The following IMMP2L variants were observed in gnomAD, a reference collection of about 807,000 sequenced individuals.
IMMP2L encodes the protein mitochondrial inner membrane protease subunit 2.
In IMMP2L, 18 loss-of-function variants were observed where a neutral mutation model predicts 19.3. The observed-to-expected ratio is 0.93, with a 90% CI of 0.64 to 1.38. The LOEUF is 1.38. IMMP2L is among the 40% of genes most tolerant of loss of function. The probability of loss-of-function intolerance (pLI) is 0.00; values close to 1 mark genes in which losing one functional copy is unlikely to be tolerated. For synonymous variants in IMMP2L, 76 were observed against 73.0 expected, an observed-to-expected ratio of 1.04 and a Z score of -0.21; for missense variants, 233 against 218.2, an observed-to-expected ratio of 1.07 and a Z score of -0.43.
chr7:111,497,498 T>TTGTGGAAAAATATATATTTGGATATG (rs1389858714), intron 2 of IMMP2L, among the ~76,000 whole-genome samples: 2 of 152,056 alleles, frequency 1.3e-5, no homozygotes, highest in Admixed American at 6.6e-5. Context: ...AAAAATTACA[T>TTGTGGAAAAATATATATTTGGATATG]TGTGGAAAAA....
At chr7:111,452,881 C>T (rs1839338562) in intron 3 of IMMP2L, among the ~76,000 whole-genome samples, 1 of 152,096 alleles carries the variant, frequency 6.6e-6, no homozygotes, top group Non-Finnish European at 1.5e-5. Context: ...ATTTACTATA[C>T]CTATTATGTC....
At chr7:111,061,153 A>G (rs545004258) in intron 3 of IMMP2L, among the ~76,000 whole-genome samples, 1 of 152,340 alleles carries the variant, frequency 6.6e-6, no homozygotes, top group South Asian at 2.1e-4. Context: ...AATATCAGCT[A>G]GTTTTCAAAA....
At chr7:110,835,607 C>T (rs1288083834) in intron 5 of IMMP2L, among the ~76,000 whole-genome samples, 10 of 151,752 alleles carry the variant, frequency 6.6e-5, no homozygotes, top group Non-Finnish European at 2.9e-5. Context: ...AAATACTTGC[C>T]TTTGTTCCCA....
intron 1 of IMMP2L, among the ~76,000 whole-genome samples, chr7:111,523,310 G>C (rs144993319): frequency 3.9e-4 from 59 of 152,030 alleles, no homozygotes; most frequent in African/African-American, 1.4e-3. Flanking sequence ...AATATGTTAG[G>C]TAATGCATTT....
chr7:110,898,881 T>C (rs541656994), intron 4 of IMMP2L, among the ~76,000 whole-genome samples: 3 of 152,026 alleles, frequency 2.0e-5, no homozygotes, highest in East Asian at 3.9e-4. Context: ...GTTATCCTCT[T>C]CTAGGTGGGA....
intron 3 of IMMP2L, among the ~76,000 whole-genome samples, chr7:111,293,436 G>T (rs527469050): frequency 6.6e-6 from 1 of 151,328 alleles, no homozygotes; most frequent in African/African-American, 2.4e-5. Flanking sequence ...TTTTTTCAAC[G>T]ACTTTCCTGA....
chr7:111,013,749 A>G (rs1825212737), intron 3 of IMMP2L, among the ~76,000 whole-genome samples: 1 of 152,136 alleles, frequency 6.6e-6, no homozygotes, highest in African/African-American at 2.4e-5. Flanking sequence ...ATAGAGTAAA[A>G]TCTTAATTAT....
chr7:111,216,197 G>A (rs968447460), intron 3 of IMMP2L, among the ~76,000 whole-genome samples: 2 of 152,014 alleles, frequency 1.3e-5, no homozygotes, highest in Non-Finnish European at 2.9e-5. Context: ...TTCCTTTGAG[G>A]AGGTCCCAAG....
intron 4 of IMMP2L, among the ~76,000 whole-genome samples, chr7:110,938,660 A>G (rs1262381439): frequency 6.6e-6 from 1 of 152,180 alleles, no homozygotes; most frequent in Non-Finnish European, 1.5e-5. Flanking sequence ...CGATGGGTAC[A>G]GTAAAAGCCC....
chr7:110,991,510 A>T (rs1019023874), intron 3 of IMMP2L, among the ~76,000 whole-genome samples: 1 of 152,150 alleles, frequency 6.6e-6, no homozygotes, highest in Admixed American at 6.6e-5. Context: ...CCATGGTAAC[A>T]TTAAAAACCC....
At chr7:111,283,312 GC>G (rs1314061693) in intron 3 of IMMP2L, among the ~76,000 whole-genome samples, 10 of 152,162 alleles carry the variant, frequency 6.6e-5, no homozygotes, top group Non-Finnish European at 1.2e-4. Context: ...AGCTAAATGT[GC>G]ATATAGAGTT....
chr7:111,078,423 T>A (rs896897855), intron 3 of IMMP2L, among the ~76,000 whole-genome samples: 6 of 152,204 alleles, frequency 3.9e-5, no homozygotes, highest in Non-Finnish European at 5.9e-5. Context: ...GCTACTGCAT[T>A]ATCTGCATTA....
At chr7:111,255,376 G>A (rs1816590934) in intron 3 of IMMP2L, among the ~76,000 whole-genome samples, 1 of 151,994 alleles carries the variant, frequency 6.6e-6, no homozygotes, top group Admixed American at 6.6e-5. Flanking sequence ...AAAGAATGGT[G>A]GGAGAGGTAG....
At chr7:110,802,323 ATGTGTGTATGTG>A (rs1376670539) in intron 5 of IMMP2L, among the ~76,000 whole-genome samples, 14 of 74,594 alleles carry the variant, frequency 1.9e-4, no homozygotes, top group African/African-American at 5.9e-4. Context: ...GTATGTGTGT[ATGTGTGTATGTG>A]TGTGTGTGTG....
intron 3 of IMMP2L, among the ~76,000 whole-genome samples, chr7:111,419,180 G>A (rs6944182): frequency 6.6e-6 from 1 of 150,786 alleles, no homozygotes; most frequent in Admixed American, 6.6e-5. Context: ...AATATATGAA[G>A]AATATATTGG....
At chr7:111,104,647 T>G (rs2129580991) in intron 3 of IMMP2L, among the ~76,000 whole-genome samples, 1 of 151,810 alleles carries the variant, frequency 6.6e-6, no homozygotes, top group East Asian at 1.9e-4. Context: ...GAGCAAATGC[T>G]AAAGAAAAAT....
At chr7:110,678,171 T>C (rs1476967998) in intron 5 of IMMP2L, among the ~76,000 whole-genome samples, 3 of 152,116 alleles carry the variant, frequency 2.0e-5, no homozygotes, top group Non-Finnish European at 4.4e-5. Context: ...AACCCTCTGG[T>C]AGCAAAATCT....
chr7:110,958,683 AG>A (rs147311384), intron 4 of IMMP2L, among the ~76,000 whole-genome samples: 1 of 152,150 alleles, frequency 6.6e-6, no homozygotes, highest in African/African-American at 2.4e-5. Context: ...TGACAGGACC[AG>A]GGAAGGATGC....
intron 5 of IMMP2L, among the ~76,000 whole-genome samples, chr7:110,862,204 T>C (rs1237092618): frequency 6.6e-6 from 1 of 151,880 alleles, no homozygotes; most frequent in Non-Finnish European, 1.5e-5. Context: ...GAGAAGACTT[T>C]TAAAGTCAAT....
Sources: allele counts gnomAD v4.1 joint callset (sites outside exome capture counted in the v4.1 genomes callset), GRCh38; gene constraint gnomAD v4.1.1; transcripts MANE v1.5; gene names NCBI Gene and HGNC (gene_info 2026-07-23, HGNC 2026-07-21).